AGAP6: variants seen among roughly 807,000 people sequenced by gnomAD.
AGAP6 encodes the protein arf-GAP with GTPase, ANK repeat and PH domain-containing protein 6.
AGAP6 carries 29 observed loss-of-function variants against 63.9 expected under a neutral mutation model. The ratio of observed to expected loss-of-function variants is 0.45; its 90% confidence interval spans 0.34 to 0.62. The LOEUF is 0.62. Among genes scored for constraint, AGAP6 ranks in the 20% least tolerant of loss-of-function variants. The pLI is 0.01. For synonymous variants in AGAP6, 199 were observed against 332.9 expected, an observed-to-expected ratio of 0.60 and a Z score of 4.38; for missense variants, 493 against 884.9, an observed-to-expected ratio of 0.56 and a Z score of 5.62.
rs562438643 is a variant in AGAP6 at position 50,009,728 on chromosome 10, A to G, written c.1603A>G (p.Ile535Val). Residue 535 changes from isoleucine (I) to valine (V), a missense_variant, in exon 8 of 8, where the codon ATT becomes GTT. Coordinates refer to ENST00000412531, the MANE Select transcript of AGAP6 (RefSeq NM_001077665.3). ...TGAGCTCAGGAAGGTTATGTCATCT[A>G]TTGTCAATGACCTAGCCAACAGCAT... ...PVELRKVMSS[I>V]VNDLANSIWE... 10 of 1,614,018 alleles carry G rather than the reference A, an allele frequency of 6.2e-6. No homozygotes were observed. Among genetic ancestry groups the G allele is most frequent in the African/African-American group, 2.7e-5 (2 of 74,906 alleles).
intron 6 of AGAP6, among the ~76,000 whole-genome samples, chr10:50,005,442 TC>T (rs1279799966): frequency 6.6e-6 from 1 of 152,028 alleles, no homozygotes; most frequent in Non-Finnish European, 1.5e-5. Flanking sequence ...AAACCCCGTC[TC>T]TACTAAAAAT....
At chr10:50,001,421 CTTTTTTTT>C (rs1158013781) in intron 4 of AGAP6, among the ~76,000 whole-genome samples, 1 of 86,290 alleles carries the variant, frequency 1.2e-5, no homozygotes, top group Non-Finnish European at 2.3e-5. Flanking sequence ...TTAAACTTTT[CTTTTTTTT>C]TTTTTTTTGA....
In AGAP6 at chr10:49,990,017, G is replaced by A. The variant is rs1841206733; in HGVS notation, c.292+641G>A. 3.3e-5 allele frequency among the ~76,000 whole-genome samples: 5 copies of A among 152,228 alleles called. No homozygotes were observed. The South Asian group carries it at 1.0e-3, about 31-fold the overall frequency. On this transcript the variant is annotated intron_variant, in intron 2 of 7. Transcript: ENST00000412531. Reference sequence around the variant, plus strand: ...TCAAAAGACATGAAACGTCAATGTAGACTTTTAATGTGTAATATAAAGATT... The same window carrying A: ...TCAAAAGACATGAAACGTCAATGTAAACTTTTAATGTGTAATATAAAGATT...
intron 4 of AGAP6, 122 bp from the exon 5 acceptor site, chr10:50,001,864 AGAGTGCACAT>A (rs1275321397): frequency 1.2e-6 from 1 of 829,522 alleles, no homozygotes; most frequent in Non-Finnish European, 1.8e-6. Flanking sequence ...GGTTTTCTAT[AGAGTGCACAT>A]GATACCACAC....
chr10:50,001,054 G>A lies in AGAP6; in HGVS notation c.397-942G>A, dbSNP rs868922150. On this transcript the variant is annotated intron_variant, in intron 4 of 7. Coordinates refer to ENST00000412531, the MANE Select transcript of AGAP6 (RefSeq NM_001077665.3). Reference sequence around the variant, plus strand: ...TAGTAAATAAATAATAGAAGGGCTGGGCGCCGTGGCTTACGCCTGTAATCC... The same window carrying A: ...TAGTAAATAAATAATAGAAGGGCTGAGCGCCGTGGCTTACGCCTGTAATCC... Among the ~76,000 whole-genome samples the A allele has an allele frequency of 9.5e-4, 144 of 152,218 alleles. No individual in the cohort carries two copies. In the South Asian group the frequency reaches 0.013, roughly 14 times the overall value.
chr10:49,991,384 G>GTTT (rs781847792), intron 2 of AGAP6, among the ~76,000 whole-genome samples: 5,330 of 113,956 alleles, frequency 0.047, 239 homozygotes, highest in Non-Finnish European at 0.064. Flanking sequence ...TACCTCTTCT[G>GTTT]TTTTTTTTTT....
chr10:50,005,077 C>T (rs1483964270), intron 6 of AGAP6, among the ~76,000 whole-genome samples: 1 of 152,102 alleles, frequency 6.6e-6, no homozygotes, highest in African/African-American at 2.4e-5. Context: ...GAGAGTTTAG[C>T]GGTATTCATG....
At chr10:49,993,322 T>C (rs1841355145) in intron 3 of AGAP6, among the ~76,000 whole-genome samples, 1 of 152,104 alleles carries the variant, frequency 6.6e-6, no homozygotes, top group Non-Finnish European at 1.5e-5. Flanking sequence ...GAAAAGCTAT[T>C]CCATGTCCCT....
intron 4 of AGAP6, among the ~76,000 whole-genome samples, chr10:50,001,421 C>CT (rs1158013781): frequency 0.74 from 63,996 of 86,156 alleles, 23,784 homozygotes; most frequent in East Asian, 0.95. Context: ...TTAAACTTTT[C>CT]TTTTTTTTTT....
At chr10:49,996,529 C>T (rs1261705279) in intron 4 of AGAP6, among the ~76,000 whole-genome samples, 3 of 151,362 alleles carry the variant, frequency 2.0e-5, no homozygotes, top group Non-Finnish European at 4.4e-5. Flanking sequence ...TAAAAGCAGG[C>T]CTGGAAAGGA....
chr10:50,005,835 G>A (rs1391989695), intron 6 of AGAP6, among the ~76,000 whole-genome samples: 19 of 149,634 alleles, frequency 1.3e-4, no homozygotes, highest in Non-Finnish European at 2.5e-4. Context: ...CAGGAGAATC[G>A]CTTGAGCCTG....
At chr10:50,006,664 T>C (rs1173177620) in intron 6 of AGAP6, among the ~76,000 whole-genome samples, 31 of 152,138 alleles carry the variant, frequency 2.0e-4, no homozygotes, top group Non-Finnish European at 4.0e-4. Flanking sequence ...TTTACAGGCG[T>C]GAGCCACTGC....
At chr10:49,988,403 G>A (rs1489917289), upstream of AGAP6, 32 of 1,318,170 alleles carry the variant, frequency 2.4e-5, no homozygotes, top group Middle Eastern at 3.0e-4. Context: ...GAGGAACTCC[G>A]TCTGTTCTCT....
rs1369835714 is a variant in AGAP6 at position 49,998,012 on chromosome 10, A to ATATATATG, written c.396+3586_396+3587insATATGTAT. ...TCCTCATATATATATATATATATAT[A>ATATATATG]TATGTATGTATATCACGGTTTCTTT... On this transcript the variant is annotated intron_variant, in intron 4 of 7. Transcript: ENST00000412531. 2.2e-5 allele frequency among the ~76,000 whole-genome samples: 3 copies of ATATATATG among 136,360 alleles called. 1 individual carries two copies. The highest frequency in any genetic ancestry group is 8.5e-5 in the African/African-American group (3 of 35,110). The allele number at this position is 136,360 out of a possible 152,430, so 89.5% of individuals were successfully genotyped here.
chr10:50,005,765 C>CA (rs1354423468), intron 6 of AGAP6, among the ~76,000 whole-genome samples: 1 of 143,558 alleles, frequency 7.0e-6, no homozygotes, highest in Non-Finnish European at 1.5e-5. Flanking sequence ...ACTGAAAGTA[C>CA]AAAAAATGGC....
rs781968202 is a variant in AGAP6, at chr10:50,009,301, C to A, written c.1176C>A (p.Pro392=). The A allele has an allele frequency of 1.2e-6, 2 of 1,614,184 alleles. No individual in the cohort carries two copies. The highest frequency in any genetic ancestry group is 1.3e-5 in the African/African-American group (1 of 75,044). The change falls in exon 8 of 8, where the codon CCC becomes CCA. Residue 392 remains proline (P), a synonymous_variant. Transcript: ENST00000412531. ...CCACCAGCCCCAAGCTCAACCCGCCCCCCTCTCCTCATGCTAATAAAAAGA... is the reference window on the plus strand; with the variant it reads ...CCACCAGCCCCAAGCTCAACCCGCCACCCTCTCCTCATGCTAATAAAAAGA... ...SSTTSPKLNP[P]PSPHANKKKH...
In AGAP6 at chr10:50,008,869, G is replaced by A. The variant is rs782755379; in HGVS notation, c.744G>A (p.Met248Ile). 2.5e-5 allele frequency: 41 copies of A among 1,613,790 alleles called. No individual in the cohort carries two copies. The highest frequency in any genetic ancestry group is 6.8e-6 in the Non-Finnish European group (8 of 1,179,930). The change falls in exon 8 of 8, where the codon ATG (methionine) becomes ATA (isoleucine). Residue 248 changes from methionine to isoleucine, a missense_variant. Met to Ile is a conservative substitution (Grantham distance 10). Coordinates refer to ENST00000412531, the MANE Select transcript of AGAP6 (RefSeq NM_001077665.3). Reference protein sequence around the residue: ...NTPTPVCKRSMRWSNLFTSEK... With the variant: ...NTPTPVCKRSIRWSNLFTSEK... ...CCACGCCCGTTTGCAAGCGGTCCAT[G>A]CGCTGGTCCAACCTGTTTACATCTG... is the stretch of plus-strand genomic sequence containing the variant.
chr10:50,003,622 A>G lies in AGAP6; in HGVS notation c.498-1063A>G, dbSNP rs1359814392. ...ACCTTGATGCCCAAAGCCATACCCAATACTAATTAAATTAAAATGTCTCAT... is the reference window on the plus strand; with the variant it reads ...ACCTTGATGCCCAAAGCCATACCCAGTACTAATTAAATTAAAATGTCTCAT... On this transcript the variant is annotated intron_variant, in intron 5 of 7. Transcript: ENST00000412531. 5.1e-4 allele frequency among the ~76,000 whole-genome samples: 78 copies of G among 152,330 alleles called. 1 individual carries two copies. The South Asian group carries it at 0.016, about 30-fold the overall frequency.
intron 3 of AGAP6, among the ~76,000 whole-genome samples, chr10:49,993,703 C>G (rs1841371068): frequency 6.6e-6 from 1 of 151,802 alleles, no homozygotes; most frequent in African/African-American, 2.4e-5. Context: ...GCCTGTACTC[C>G]CAGCTAATCA....
Sources: gnomAD v4.1 joint callset for allele counts (sites outside exome capture counted in the v4.1 genomes callset) on GRCh38, gnomAD v4.1.1 for gene constraint, MANE v1.5 for transcripts, NCBI Gene and HGNC (gene_info 2026-07-23, HGNC 2026-07-21) for gene names.